CEP120: variants seen among roughly 807,000 people sequenced by gnomAD.
CEP120 encodes centrosomal protein of 120 kDa.
CEP120 carries 113 observed loss-of-function variants against 126.5 expected under a neutral mutation model. The ratio of observed to expected loss-of-function variants is 0.89; its 90% CI spans 0.77 to 1.04. CEP120 has a LOEUF of 1.04. Among genes scored for constraint, CEP120 ranks in the 50% least tolerant of loss-of-function variants. CEP120 has a pLI of 0.00. For synonymous variants in CEP120, 400 were observed against 394.3 expected, an observed-to-expected ratio of 1.01 and a Z score of -0.17; for missense variants, 1,230 against 1,155.7, an observed-to-expected ratio of 1.06 and a Z score of -0.93.
At chr5:123,382,927 A>G in intron 12 of CEP120, 38 bp from the exon 13 acceptor site, 1 of 1,606,596 alleles carries the variant, frequency 6.2e-7, no homozygotes, top group African/African-American at 1.3e-5. Flanking sequence ...AAACACTCAC[A>G]CACATATGCA....
intron 18 of CEP120, among the ~76,000 whole-genome samples, chr5:123,361,435 A>G (rs907478302): frequency 1.3e-5 from 2 of 151,860 alleles, no homozygotes; most frequent in Admixed American, 6.6e-5. Flanking sequence ...CAGGCTCTCA[A>G]TAAGCACTTG....
At chr5:123,346,803 A>G in intron 19 of CEP120, 50 bp from the exon 20 acceptor site, 1 of 1,304,426 alleles carries the variant, frequency 7.7e-7, no homozygotes, top group Non-Finnish European at 1.0e-6. Context: ...TGGTTTTCTT[A>G]ATGTCACTAT....
chr5:123,356,386 C>T (rs11241689), intron 18 of CEP120, among the ~76,000 whole-genome samples: 61,581 of 151,862 alleles, frequency 0.41, 12,567 homozygotes, highest in East Asian at 0.47. Context: ...GAATCAATAT[C>T]GTGAAAATGG....
At chr5:123,362,518 C>T (rs1770162541) in intron 18 of CEP120, among the ~76,000 whole-genome samples, 1 of 151,674 alleles carries the variant, frequency 6.6e-6, no homozygotes, top group East Asian at 1.9e-4. Context: ...GTTTTTGCCG[C>T]TTTCACTTTT....
At chr5:123,419,553 C>CAA (rs566909063) in intron 1 of CEP120, among the ~76,000 whole-genome samples, 45,616 of 134,756 alleles carry the variant, frequency 0.34, 7,380 homozygotes, top group South Asian at 0.42. Flanking sequence ...AAAACAAAAA[C>CAA]AAAAAAAAAA....
At chr5:123,382,516 A>G (rs1771718073) in intron 13 of CEP120, among the ~76,000 whole-genome samples, 1 of 152,076 alleles carries the variant, frequency 6.6e-6, no homozygotes, top group Admixed American at 6.6e-5. Context: ...ATTTTACCCA[A>G]TAATCATGAA....
chr5:123,360,374 C>T (rs1439026033), intron 18 of CEP120, among the ~76,000 whole-genome samples: 1 of 151,808 alleles, frequency 6.6e-6, no homozygotes, highest in African/African-American at 2.4e-5. Context: ...TCAGTGTAGT[C>T]TGCAGAACAT....
intron 19 of CEP120, 22 bp downstream of exon 19, chr5:123,349,922 G>A (rs1360242359): frequency 6.2e-7 from 1 of 1,603,726 alleles, no homozygotes; most frequent in Admixed American, 1.7e-5. Flanking sequence ...GCTTTTGAAA[G>A]AAACACTTTT....
Position 123,390,466 on chromosome 5 carries a change from A to G in CEP120, c.1039-326T>C, listed in dbSNP as rs1772319785. 1.1e-5 allele frequency: 4 copies of G among 367,112 alleles called. 1 individual carries two copies. Among genetic ancestry groups the G allele is most frequent in the South Asian group, 9.7e-5 (4 of 41,202 alleles). 22.7% of individuals were successfully genotyped at this position (367,112 alleles called of 1,614,324 possible). On this transcript the variant is annotated intron_variant, in intron 7 of 19. Transcript: ENST00000306467. The stretch of plus-strand genomic sequence containing the variant: ...CAGTACAATGGAGAACTATACTCCT[A>G]AAGAGAAAAAACACATGTCTAGTAT...
intron 16 of CEP120, among the ~76,000 whole-genome samples, chr5:123,374,400 C>T (rs1366896375): frequency 1.3e-5 from 2 of 151,942 alleles, no homozygotes; most frequent in Non-Finnish European, 2.9e-5. Context: ...GACAAGATAG[C>T]CTTGACTAAA....
intron 6 of CEP120, among the ~76,000 whole-genome samples, chr5:123,392,986 T>G (rs926525428): frequency 6.6e-6 from 1 of 152,186 alleles, no homozygotes; most frequent in South Asian, 2.1e-4. Flanking sequence ...TTAACAATAA[T>G]GAAATCTTGC....
chr5:123,405,166 C>A (rs1430558838), intron 4 of CEP120, among the ~76,000 whole-genome samples: 1 of 152,118 alleles, frequency 6.6e-6, no homozygotes, highest in Non-Finnish European at 1.5e-5. Flanking sequence ...CAGGGAGCTA[C>A]GGAGAATCAC....
At chr5:123,358,983 A>G (rs551879431) in intron 18 of CEP120, among the ~76,000 whole-genome samples, 1 of 152,268 alleles carries the variant, frequency 6.6e-6, no homozygotes, top group East Asian at 1.9e-4. Flanking sequence ...CTGACAAGTC[A>G]GTAGGAGGGC....
chr5:123,399,162 T>C lies in CEP120; in HGVS notation c.586A>G (p.Ile196Val), dbSNP rs766171755. ...TGTTCCAACTGGGTAGCAAATGCTATGGTCACTGACATAATAAAGGAGTCA... is the reference window on the plus strand; with the variant it reads ...TGTTCCAACTGGGTAGCAAATGCTACGGTCACTGACATAATAAAGGAGTCA... ...CTDSFIMSVT[I>V]AFATQLEQLI... The change falls in exon 5 of 20, where the codon ATA (isoleucine) becomes GTA (valine). Residue 196 changes from isoleucine (I) to valine (V), a missense_variant. Coordinates refer to ENST00000306467, the MANE Select transcript of CEP120 (RefSeq NM_001375405.1). The C allele has an allele frequency of 6.2e-6, 10 of 1,612,126 alleles. 1 individual carries two copies. In the South Asian group the frequency reaches 9.9e-5, roughly 16 times the overall value.
intron 8 of CEP120, among the ~76,000 whole-genome samples, chr5:123,388,857 AC>A (rs2127065701): frequency 6.6e-6 from 1 of 152,340 alleles, no homozygotes; most frequent in South Asian, 2.1e-4. Flanking sequence ...AACGTACAGA[AC>A]CAATAGAGAA....
At chr5:123,352,189 T>C (rs1769240490) in intron 18 of CEP120, among the ~76,000 whole-genome samples, 1 of 152,130 alleles carries the variant, frequency 6.6e-6, no homozygotes, top group East Asian at 1.9e-4. Context: ...GATAAGCCCT[T>C]CATCAATTAT....
chr5:123,390,212 T>C (rs753056545), intron 7 of CEP120, 72 bp from the exon 8 acceptor site: 2 of 1,111,606 alleles, frequency 1.8e-6, no homozygotes, highest in Non-Finnish European at 2.6e-6. Flanking sequence ...AAACTTGGCA[T>C]TGTTTTTTAA....
chr5:123,422,089 A>T (rs1007138335), intron 1 of CEP120, among the ~76,000 whole-genome samples: 10 of 152,158 alleles, frequency 6.6e-5, no homozygotes, highest in African/African-American at 2.4e-4. Flanking sequence ...TCTGTTCTCC[A>T]ACCACACTGA....
chr5:123,398,518 T>TCA (rs1772956057), intron 5 of CEP120, among the ~76,000 whole-genome samples: 2 of 152,184 alleles, frequency 1.3e-5, no homozygotes, highest in South Asian at 4.1e-4. Flanking sequence ...TTCAGTTTCC[T>TCA]CAGCTGTGAT....
Sources: gnomAD v4.1 joint callset for allele counts (sites outside exome capture counted in the v4.1 genomes callset) on GRCh38, gnomAD v4.1.1 for gene constraint, MANE v1.5 for transcripts, NCBI Gene and HGNC (gene_info 2026-07-23, HGNC 2026-07-21) for gene names.